Variants in ARID1B observed in about 807,000 individuals in gnomAD.
ARID1B encodes AT-rich interaction domain 1B.
ARID1B carries 30 observed loss-of-function variants against 212.3 expected under a neutral mutation model. That is an observed-to-expected ratio of 0.14 (90% confidence interval 0.11 to 0.19). The LOEUF is 0.19. Ranked by LOEUF, ARID1B falls within the 10% of genes least tolerant of loss-of-function variation. The pLI, the probability that ARID1B is intolerant of heterozygous loss-of-function variation, is 1.00. For synonymous variants in ARID1B, 1,402 were observed against 1,301.7 expected (o/e 1.08, Z -1.66); for missense variants, 2,891 against 3,204.0 (o/e 0.90, Z 2.36).
At chr6:157,000,697 T>TTC (rs1491337806) in intron 4 of ARID1B, among the ~76,000 whole-genome samples, 3 of 7,902 alleles carry the variant, frequency 3.8e-4, no homozygotes, top group Non-Finnish European at 5.6e-4. Context: ...CTAATTATTC[T>TTC]TTTTTTTTTT....
intron 2 of ARID1B, among the ~76,000 whole-genome samples, chr6:156,844,480 C>G (rs972440731): frequency 3.9e-5 from 6 of 152,210 alleles, no homozygotes; most frequent in Non-Finnish European, 7.3e-5. Context: ...TATAGCACCT[C>G]TATGGCAGTT....
intron 4 of ARID1B, among the ~76,000 whole-genome samples, chr6:157,010,815 C>T (rs1583139628): frequency 6.6e-6 from 1 of 150,800 alleles, no homozygotes; most frequent in East Asian, 1.9e-4. Flanking sequence ...GGTGTGACCT[C>T]TTTTGTTTTT....
At chr6:156,872,801 A>T (rs1786247477) in intron 2 of ARID1B, among the ~76,000 whole-genome samples, 1 of 148,514 alleles carries the variant, frequency 6.7e-6, no homozygotes, top group African/African-American at 2.5e-5. Flanking sequence ...TGTGGAGTGG[A>T]TGTTGTTCGT....
chr6:156,993,797 A>T (rs1303031817), intron 4 of ARID1B, among the ~76,000 whole-genome samples: 1 of 152,200 alleles, frequency 6.6e-6, no homozygotes, highest in African/African-American at 2.4e-5. Context: ...GTTGCTGTTA[A>T]CTCTTAAATT....
At chr6:157,012,165 T>C (rs1299833072) in intron 4 of ARID1B, among the ~76,000 whole-genome samples, 4 of 152,226 alleles carry the variant, frequency 2.6e-5, no homozygotes, top group Non-Finnish European at 5.9e-5. Context: ...CTGCAGGATG[T>C]AATTAAGACA....
chr6:157,038,003 G>A (rs1382372090), intron 4 of ARID1B, among the ~76,000 whole-genome samples: 2 of 152,172 alleles, frequency 1.3e-5, no homozygotes, highest in East Asian at 1.9e-4. Context: ...CTGAATTGTC[G>A]ATCAAATTAC....
intron 1 of ARID1B, among the ~76,000 whole-genome samples, chr6:156,815,727 T>G (rs546406691): frequency 1.3e-5 from 2 of 152,358 alleles, no homozygotes; most frequent in South Asian, 4.1e-4. Flanking sequence ...TAAGGATATA[T>G]GACCAGCATA....
chr6:157,197,344 G>C (rs781612673), intron 16 of ARID1B, among the ~76,000 whole-genome samples: 2 of 152,236 alleles, frequency 1.3e-5, no homozygotes, highest in Non-Finnish European at 2.9e-5. Flanking sequence ...GGACCGGCTG[G>C]GCCAGAGCCG....
At chr6:157,061,723 ACT>A (rs1380641117) in intron 4 of ARID1B, among the ~76,000 whole-genome samples, 6 of 152,102 alleles carry the variant, frequency 3.9e-5, no homozygotes, top group African/African-American at 1.4e-4. Flanking sequence ...TTATCTGATA[ACT>A]CTAATCCATC....
At chr6:156,815,428 G>A (rs1781896821) in intron 1 of ARID1B, among the ~76,000 whole-genome samples, 1 of 152,158 alleles carries the variant, frequency 6.6e-6, no homozygotes. Context: ...TTTTTAGGCT[G>A]AAAAGGATAA....
At chr6:157,161,157 C>G (rs1273609146) in intron 8 of ARID1B, among the ~76,000 whole-genome samples, 1 of 152,144 alleles carries the variant, frequency 6.6e-6, no homozygotes, top group Non-Finnish European at 1.5e-5. Flanking sequence ...GGGGTAGAAT[C>G]TATTTTTTTT....
At chr6:156,914,872 C>G (rs1790220458) in intron 3 of ARID1B, among the ~76,000 whole-genome samples, 1 of 151,908 alleles carries the variant, frequency 6.6e-6, no homozygotes, top group African/African-American at 2.4e-5. Flanking sequence ...ATCTTTGGCT[C>G]TTCTCTATCA....
intron 4 of ARID1B, among the ~76,000 whole-genome samples, chr6:157,010,487 TA>T (rs1249412945): frequency 6.6e-6 from 1 of 151,916 alleles, no homozygotes; most frequent in African/African-American, 2.4e-5. Context: ...CACACCCAGC[TA>T]ATTGTTACAT....
At chr6:157,160,104 G>A (rs1329782428) in intron 8 of ARID1B, among the ~76,000 whole-genome samples, 2 of 152,140 alleles carry the variant, frequency 1.3e-5, no homozygotes, top group African/African-American at 4.8e-5. Context: ...AGGCTGCCTC[G>A]AAAACAGGTC....
intron 4 of ARID1B, chr6:156,936,931 T>G (rs943078010): frequency 1.3e-5 from 2 of 152,142 alleles, no homozygotes; most frequent in Non-Finnish European, 2.9e-5. Flanking sequence ...ATATGCAGAT[T>G]TAGAGAAGGT....
At position 156,777,577 on chromosome 6, in the gene ARID1B, T is replaced by A. The variant is rs1386595445; in HGVS notation, c.-104T>A. 2 of 151,340 alleles carry A rather than the reference T, an allele frequency of 1.3e-5. No homozygotes were observed. Among genetic ancestry groups the A allele is most frequent in the African/African-American group, 4.8e-5 (2 of 41,350 alleles). The allele number at this position is 151,340 out of a possible 1,614,324, so 9.4% of individuals were successfully genotyped here. On this transcript the variant is annotated 5_prime_UTR_variant, in exon 1 of 20. Transcript: ENST00000636930. ...TGCGGAGGGGGAGGGGGTCGCGGCT[T>A]CCCGGCGGGCCGCGTGGATGCGCAC... is the stretch of plus-strand genomic sequence containing the variant.
chr6:156,816,499 T>G (rs2127999750), intron 1 of ARID1B, among the ~76,000 whole-genome samples: 1 of 152,352 alleles, frequency 6.6e-6, no homozygotes, highest in African/African-American at 2.4e-5. Context: ...CTTAAAGAAC[T>G]TACTGTCTGA....
chr6:156,823,143 C>T (rs9478737), intron 1 of ARID1B, among the ~76,000 whole-genome samples: 53,015 of 151,740 alleles, frequency 0.35, 9,387 homozygotes, highest in South Asian at 0.42. Context: ...TCTCTATGCC[C>T]GTGTGTAGTC....
intron 3 of ARID1B, among the ~76,000 whole-genome samples, chr6:156,903,948 A>T (rs1789153655): frequency 6.6e-6 from 1 of 152,194 alleles, no homozygotes; most frequent in Admixed American, 6.5e-5. Flanking sequence ...CCATCAAGAT[A>T]CCTGACTTTG....
Sources: gnomAD v4.1 joint callset for allele counts (sites outside exome capture counted in the v4.1 genomes callset) on GRCh38, gnomAD v4.1.1 for gene constraint, MANE v1.5 for transcripts, NCBI Gene and HGNC (gene_info 2026-07-23, HGNC 2026-07-21) for gene names.